RPL5: variants seen among roughly 807,000 people sequenced by gnomAD.
The protein encoded by RPL5 is ribosomal protein L5.
A neutral mutation model predicts 38.4 loss-of-function variants in RPL5; 1 was observed. That is an observed-to-expected ratio of 0.03 (90% CI 0.01 to 0.12). RPL5 has a LOEUF of 0.12. Among genes scored for constraint, RPL5 ranks in the 10% least tolerant of loss-of-function variants. RPL5 has a pLI of 1.00. For missense variants in RPL5, 243 were observed against 374.1 expected, an observed-to-expected ratio of 0.65 and a Z score of 2.89; for synonymous variants, 109 against 121.2, an observed-to-expected ratio of 0.90 and a Z score of 0.66.
chr1:92,832,640 T>C, intron 1 of RPL5: 1 of 310,854 alleles, frequency 3.2e-6, no homozygotes, highest in Non-Finnish European at 6.0e-6. Context: ...TCAGTGGAGC[T>C]TGGAGGCCGA....
intron 7 of RPL5, 88 bp from the exon 8 acceptor site, chr1:92,841,678 T>C: frequency 1.2e-6 from 1 of 819,064 alleles, no homozygotes; most frequent in African/African-American, 1.8e-5. Flanking sequence ...ATATTCTCTA[T>C]CAAAATTAAA....
At position 92,832,098 on chromosome 1, in the gene RPL5, G is replaced by C. The variant is rs754061218; in HGVS notation, c.-17G>C. 1.9e-6 allele frequency: 3 copies of C among 1,614,076 alleles called. No homozygotes were observed. Among genetic ancestry groups the C allele is most frequent in the South Asian group, 1.1e-5 (1 of 91,062 alleles). Reference sequence around the variant, plus strand: ...AGGTCTCTGTCGAGCAGCGGACGCCGGTCTCTGTTCCGCAGGATGGTGAGT... The same window carrying C: ...AGGTCTCTGTCGAGCAGCGGACGCCCGTCTCTGTTCCGCAGGATGGTGAGT... On this transcript the variant is annotated 5_prime_UTR_variant, in exon 1 of 8. Coordinates refer to ENST00000370321, the MANE Select transcript of RPL5 (RefSeq NM_000969.5).
intron 6 of RPL5, among the ~76,000 whole-genome samples, chr1:92,839,314 G>A (rs1557443099): frequency 5.9e-5 from 9 of 152,130 alleles, no homozygotes; most frequent in Admixed American, 4.6e-4. Context: ...AGCTGGGATC[G>A]CGCTACTGCA....
rs747703119 is a variant in RPL5, at chr1:92,833,530, A to AT, written c.74-8dup. ...GCAGTGGAGTATCCTTTCTACAATT[A>AT]TTTTTTTCTTTCAGAGGGTAAAACT... On this transcript the variant is annotated splice_polypyrimidine_tract_variant and intron_variant, in intron 2 of 7. Transcript: ENST00000370321. 1.2e-6 allele frequency: 2 copies of AT among 1,612,608 alleles called. No individual in the cohort carries two copies. Among genetic ancestry groups the AT allele is most frequent in the Non-Finnish European group, 1.7e-6 (2 of 1,178,776 alleles).
intron 3 of RPL5, among the ~76,000 whole-genome samples, chr1:92,834,204 A>G (rs886842398): frequency 1.3e-5 from 2 of 152,238 alleles, no homozygotes; most frequent in South Asian, 4.1e-4. Context: ...ATATGGCCTT[A>G]TATGCCACTT....
At chr1:92,832,484 A>AGG (rs535306305) in intron 1 of RPL5, among the ~76,000 whole-genome samples, 1 of 151,994 alleles carries the variant, frequency 6.6e-6, no homozygotes, top group Non-Finnish European at 1.5e-5. Flanking sequence ...GCCAGAATGG[A>AGG]GGGGGGCTGC....
At chr1:92,839,156 C>A (rs551301031) in intron 6 of RPL5, among the ~76,000 whole-genome samples, 1 of 149,862 alleles carries the variant, frequency 6.7e-6, no homozygotes, top group Admixed American at 6.7e-5. Context: ...GTCAGGAGTT[C>A]GAGACCAGCC....
At position 92,837,438 on chromosome 1, in the gene RPL5, T is replaced by C. The variant is rs1475430326; in HGVS notation, c.528-18T>C. On this transcript the variant is annotated intron_variant, in intron 5 of 7. Transcript: ENST00000370321. ...AGTTAAGTGAGTCTATACTAAAATA[T>C]GAATAACTTTATTTTAGTACCAAAC... 1 of 1,603,770 alleles carries C rather than the reference T, an allele frequency of 6.2e-7. No homozygotes were observed. Among genetic ancestry groups the C allele is most frequent in the Admixed American group, 1.7e-5 (1 of 60,022 alleles).
chr1:92,837,295 T>C (rs1157569686), intron 5 of RPL5, 161 bp from the exon 6 acceptor site: 4 of 783,196 alleles, frequency 5.1e-6, no homozygotes, highest in African/African-American at 3.4e-5. Context: ...AGCTGCTGAA[T>C]GATGATATCC....
intron 6 of RPL5, among the ~76,000 whole-genome samples, chr1:92,838,821 A>G (rs942838016): frequency 1.1e-4 from 16 of 152,216 alleles, no homozygotes; most frequent in African/African-American, 3.6e-4. Context: ...TAGAGTGCTA[A>G]AAGAGGTAGG....
chr1:92,841,911 A>T lies in RPL5; in HGVS notation c.*46A>T, dbSNP rs1429539349. The T allele has an allele frequency of 2.9e-6, 4 of 1,377,422 alleles. No individual in the cohort carries two copies. In the Admixed American group the frequency reaches 5.1e-5, roughly 18 times the overall value. 85.3% of individuals were successfully genotyped at this position (1,377,422 alleles called of 1,614,324 possible). A position where few individuals can be genotyped will look rare whatever the true frequency, so the allele number is the denominator to read the frequency against. ...TTTTTCAGATATAGATAATAAACTT[A>T]TGAACAGCAACTATTTCTGTGTTAA... is the stretch of plus-strand genomic sequence containing the variant. On this transcript the variant is annotated 3_prime_UTR_variant, in exon 8 of 8. Coordinates refer to ENST00000370321, the MANE Select transcript of RPL5 (RefSeq NM_000969.5).
chr1:92,834,639 A>AG lies in RPL5; in HGVS notation c.190-140_190-139insG, dbSNP rs1258618317. The AG allele has an allele frequency of 3.6e-6, 4 of 1,100,300 alleles. No homozygotes were observed. In the African/African-American group the frequency reaches 6.2e-5, roughly 17 times the overall value. 68.2% of individuals were successfully genotyped at this position (1,100,300 alleles called of 1,614,324 possible). A position where few individuals can be genotyped will look rare whatever the true frequency, so the allele number is the denominator to read the frequency against. On this transcript the variant is annotated intron_variant, in intron 3 of 7. Coordinates refer to ENST00000370321, the MANE Select transcript of RPL5 (RefSeq NM_000969.5). ...TTTTAAGCACCTCTAATTTACTGGT[A>AG]ACCCAGCTAAGAGTCTTAAGCATTT...
Position 92,840,008 on chromosome 1 carries a change from A to ATTT in RPL5, c.706-527_706-525dup, listed in dbSNP as rs111307161. ...AGGTGTGCACCACCATGCCCTGCTA[A>ATTT]TTTTTTTTTTTTTTTTTTAATTTTT... On this transcript the variant is annotated intron_variant, in intron 6 of 7. Transcript: ENST00000370321. 1.2e-3 allele frequency among the ~76,000 whole-genome samples: 164 copies of ATTT among 138,332 alleles called. 1 individual carries two copies. The highest frequency in any genetic ancestry group is 2.8e-3 in the South Asian group (12 of 4,258). 90.8% of individuals were successfully genotyped at this position (138,332 alleles called of 152,430 possible). A position where few individuals can be genotyped will look rare whatever the true frequency, so the allele number is the denominator to read the frequency against.
upstream of RPL5, chr1:92,832,039 C>T (rs533207942): frequency 5.0e-5 from 81 of 1,604,234 alleles, no homozygotes; most frequent in African/African-American, 8.7e-4. Context: ...AGGGCTGTGG[C>T]CCTTTTCCCA....
At chr1:92,833,883 ATTGC>A (rs1444699143) in intron 3 of RPL5, 1 of 542,484 alleles carries the variant, frequency 1.8e-6, no homozygotes, top group East Asian at 3.3e-5. Flanking sequence ...CTTCGGGAAG[ATTGC>A]TTGAGCCCAG....
In RPL5 at chr1:92,841,907, A is replaced by G; in HGVS notation, c.*42A>G. ...TGATTTTTTCAGATATAGATAATAAACTTATGAACAGCAACTATTTCTGTG... is the reference window on the plus strand; with the variant it reads ...TGATTTTTTCAGATATAGATAATAAGCTTATGAACAGCAACTATTTCTGTG... On this transcript the variant is annotated 3_prime_UTR_variant, in exon 8 of 8. Coordinates refer to ENST00000370321, the MANE Select transcript of RPL5 (RefSeq NM_000969.5). 1 of 1,401,556 alleles carries G rather than the reference A, an allele frequency of 7.1e-7. No individual in the cohort carries two copies. The highest frequency in any genetic ancestry group is 1.0e-6 in the Non-Finnish European group (1 of 992,540). The allele number at this position is 1,401,556 out of a possible 1,614,324, so 86.8% of individuals were successfully genotyped here. A position where few individuals can be genotyped will look rare whatever the true frequency, so the allele number is the denominator to read the frequency against.
Position 92,832,106 on chromosome 1 carries a change from T to G in RPL5, c.-9T>G. The G allele has an allele frequency of 2.5e-6, 4 of 1,614,158 alleles. No homozygotes were observed. Among genetic ancestry groups the G allele is most frequent in the Middle Eastern group, 1.6e-4 (1 of 6,062 alleles). On this transcript the variant is annotated 5_prime_UTR_variant, in exon 1 of 8. Coordinates refer to ENST00000370321, the MANE Select transcript of RPL5 (RefSeq NM_000969.5). Reference sequence around the variant, plus strand: ...GTCGAGCAGCGGACGCCGGTCTCTGTTCCGCAGGATGGTGAGTGGATGCCT... The same window carrying G: ...GTCGAGCAGCGGACGCCGGTCTCTGGTCCGCAGGATGGTGAGTGGATGCCT...
rs200437092 is a variant in RPL5, at chr1:92,832,057, G to C, written c.-58G>C. ...GCTGTGGCCCTTTTCCCACCCCCTA[G>C]CGCCGCTGGGCCTGCAGGTCTCTGT... On this transcript the variant is annotated 5_prime_UTR_variant, in exon 1 of 8. Transcript: ENST00000370321. The C allele has an allele frequency of 8.1e-6, 13 of 1,611,530 alleles. No individual in the cohort carries two copies. The highest frequency in any genetic ancestry group is 1.3e-5 in the African/African-American group (1 of 74,902).
Position 92,840,623 on chromosome 1 carries a change from G to A in RPL5, c.778G>A (p.Glu260Lys), listed in dbSNP as rs1187773502. 5 of 1,609,714 alleles carry A rather than the reference G, an allele frequency of 3.1e-6. No homozygotes were observed. In the African/African-American group the frequency reaches 6.7e-5, roughly 22 times the overall value. The change falls in exon 7 of 8, where the codon GAA becomes AAA. Residue 260 changes from glutamate (E) to lysine (K), a missense_variant. By Grantham distance (56) the Glu-to-Lys change is moderately conservative (BLOSUM62 1). Coordinates refer to ENST00000370321, the MANE Select transcript of RPL5 (RefSeq NM_000969.5). ...AGTCTATGAAAAGAAGCCCAAGAAA[G>A]AAGTTAAAAAGAAGAGGTATGTCGT... is the stretch of plus-strand genomic sequence containing the variant. The part of the protein sequence containing the change: ...NPVYEKKPKK[E>K]VKKKRWNRPK...
Sources: gnomAD v4.1 joint callset for allele counts (sites outside exome capture counted in the v4.1 genomes callset) on GRCh38, gnomAD v4.1.1 for gene constraint, MANE v1.5 for transcripts, NCBI Gene and HGNC (gene_info 2026-07-23, HGNC 2026-07-21) for gene names.